ETS1: variants seen among roughly 807,000 people sequenced by gnomAD.
ETS1 encodes the protein protein C-ets-1.
A neutral mutation model predicts 58.6 loss-of-function variants in ETS1; 15 were observed. The ratio of observed to expected loss-of-function variants is 0.26; its 90% confidence interval spans 0.17 to 0.39. The LOEUF (loss-of-function observed/expected upper bound fraction) is 0.39, where lower values mean the gene tolerates loss of function less well. ETS1 is among the 10% of genes least tolerant of loss of function. The probability of loss-of-function intolerance (pLI) is 1.00; values close to 1 mark genes in which losing one functional copy is unlikely to be tolerated. For missense variants in ETS1, 417 were observed against 610.5 expected (o/e 0.68, Z 3.34); for synonymous variants, 214 against 218.2 (o/e 0.98, Z 0.17).
chr11:128,544,340 A>AATATATATAT lies in ETS1; in HGVS notation c.214+11941_214+11950dup, dbSNP rs10542616. 6.8e-3 allele frequency among the ~76,000 whole-genome samples: 791 copies of AATATATATAT among 117,004 alleles called. 19 individuals are homozygous for AATATATATAT. The highest frequency in any genetic ancestry group is 0.014 in the East Asian group (60 of 4,348). The allele number at this position is 117,004 out of a possible 152,430, so 76.8% of individuals were successfully genotyped here. A position where few individuals can be genotyped will look rare whatever the true frequency, so the allele number is the denominator to read the frequency against. On this transcript the variant is annotated intron_variant, in intron 3 of 9. Transcript: ENST00000392668. ...ATGAAAAAGTGATTAATTGTTTACT[A>AATATATATAT]ATATATATATATATATATATATATA...
intron 8 of ETS1, among the ~76,000 whole-genome samples, chr11:128,479,013 C>T (rs79585975): frequency 0.019 from 2,903 of 152,292 alleles, 99 homozygotes; most frequent in African/African-American, 0.066. Context: ...CTGAGCACTA[C>T]TCATGCAATG....
At chr11:128,531,928 CTCACT>C (rs767109733) in intron 3 of ETS1, among the ~76,000 whole-genome samples, 2 of 152,180 alleles carry the variant, frequency 1.3e-5, no homozygotes, top group Admixed American at 6.5e-5. Flanking sequence ...CCTTACTGCA[CTCACT>C]TCACAGAAGT....
chr11:128,465,439 G>A (rs918068484), intron 8 of ETS1, among the ~76,000 whole-genome samples: 3 of 152,178 alleles, frequency 2.0e-5, no homozygotes, highest in Non-Finnish European at 2.9e-5. Flanking sequence ...CTTGGGAGTT[G>A]CCTAAAGTCA....
At chr11:128,505,159 G>A (rs888899218) in intron 3 of ETS1, 1 of 152,242 alleles carries the variant, frequency 6.6e-6, no homozygotes, top group Non-Finnish European at 1.5e-5. Flanking sequence ...AAGGCAGAGT[G>A]CCTCATATCA....
In ETS1 at chr11:128,459,572, A is replaced by AC. The variant is rs1861851963; in HGVS notation, c.*2788dup. ...GCATCTCTGGGAAAATAAGGGTTTCACCCAGCTAGACCAGATTTGCCCATC... is the reference window on the plus strand; with the variant it reads ...GCATCTCTGGGAAAATAAGGGTTTCACCCCAGCTAGACCAGATTTGCCCATC... On this transcript the variant is annotated 3_prime_UTR_variant, in exon 10 of 10. Transcript: ENST00000392668. The AC allele has an allele frequency of 6.5e-6, 1 of 152,804 alleles. No homozygotes were observed. The highest frequency in any genetic ancestry group is 2.4e-5 in the African/African-American group (1 of 41,470). The allele number at this position is 152,804 out of a possible 1,614,324, so 9.5% of individuals were successfully genotyped here.
intron 1 of ETS1, among the ~76,000 whole-genome samples, chr11:128,578,414 A>G (rs541459043): frequency 3.4e-4 from 52 of 152,300 alleles, no homozygotes; most frequent in Admixed American, 1.2e-3. Flanking sequence ...ATTTGGGGTT[A>G]TGTATTCCTA....
intron 3 of ETS1, among the ~76,000 whole-genome samples, chr11:128,541,044 C>G (rs1195010897): frequency 6.6e-6 from 1 of 152,190 alleles, no homozygotes; most frequent in African/African-American, 2.4e-5. Context: ...CTCCTCAAGG[C>G]AAACCCCCTC....
At chr11:128,516,887 T>G (rs1863540001) in intron 3 of ETS1, among the ~76,000 whole-genome samples, 1 of 152,050 alleles carries the variant, frequency 6.6e-6, no homozygotes, top group African/African-American at 2.4e-5. Flanking sequence ...TTATGAGAGA[T>G]TCAATGCACA....
chr11:128,517,189 C>T (rs1437601490), intron 3 of ETS1, among the ~76,000 whole-genome samples: 1 of 152,206 alleles, frequency 6.6e-6, no homozygotes, highest in Non-Finnish European at 1.5e-5. Context: ...ATGAGGCCAC[C>T]TGATTCAGCT....
chr11:128,499,043 G>A (rs528017779), intron 3 of ETS1, among the ~76,000 whole-genome samples: 2 of 152,286 alleles, frequency 1.3e-5, no homozygotes, highest in African/African-American at 4.8e-5. Flanking sequence ...GAACCACATT[G>A]CATCCTATTG....
At chr11:128,503,208 C>A (rs1034726341) in intron 3 of ETS1, among the ~76,000 whole-genome samples, 2 of 152,070 alleles carry the variant, frequency 1.3e-5, no homozygotes, top group Non-Finnish European at 2.9e-5. Context: ...AAATATTTTA[C>A]AGACAACATC....
Position 128,556,351 on chromosome 11 carries a change from G to GGTA in ETS1, c.151_153dup (p.Tyr51dup). On this transcript the variant is annotated inframe_insertion, in exon 3 of 10. Coordinates refer to ENST00000392668, the MANE Select transcript of ETS1 (RefSeq NM_001143820.2). Reference sequence around the variant, plus strand: ...TGAGTTGCCATCTCATCCCAAAAGGGGTAGCAAGGTCTTTGCTGGTGATAA... The same window carrying GGTA: ...TGAGTTGCCATCTCATCCCAAAAGGGGTAGTAGCAAGGTCTTTGCTGGTGATAA... The GGTA allele has an allele frequency of 6.2e-7, 1 of 1,613,334 alleles. No individual in the cohort carries two copies. The highest frequency in any genetic ancestry group is 8.5e-7 in the Non-Finnish European group (1 of 1,179,352).
At chr11:128,565,378 C>T (rs972337910) in intron 2 of ETS1, among the ~76,000 whole-genome samples, 12 of 152,206 alleles carry the variant, frequency 7.9e-5, no homozygotes, top group Non-Finnish European at 1.6e-4. Flanking sequence ...TTGAACATTC[C>T]AGCATCCAGA....
chr11:128,483,809 C>T (rs1201173879), intron 7 of ETS1, among the ~76,000 whole-genome samples: 2 of 152,218 alleles, frequency 1.3e-5, no homozygotes, highest in Admixed American at 1.3e-4. Context: ...TATGGTCAGT[C>T]ATTGAGCAGA....
chr11:128,479,643 G>A (rs541429123), intron 8 of ETS1, among the ~76,000 whole-genome samples: 6 of 152,264 alleles, frequency 3.9e-5, no homozygotes, highest in South Asian at 2.1e-4. Context: ...TAATAAAGCC[G>A]AGTAAGAGAA....
intron 3 of ETS1, among the ~76,000 whole-genome samples, chr11:128,517,600 C>T (rs985897664): frequency 6.6e-6 from 1 of 152,166 alleles, no homozygotes; most frequent in Non-Finnish European, 1.5e-5. Flanking sequence ...CATGGAATTC[C>T]ACCACAGCCA....
chr11:128,523,991 C>G (rs1383128503), intron 3 of ETS1, among the ~76,000 whole-genome samples: 1 of 151,896 alleles, frequency 6.6e-6, no homozygotes, highest in East Asian at 1.9e-4. Flanking sequence ...GTGAACAAAT[C>G]TAGAGTTGCT....
At chr11:128,521,896 C>A in intron 3 of ETS1, 1 of 1,585,966 alleles carries the variant, frequency 6.3e-7, no homozygotes, top group Non-Finnish European at 8.6e-7. Context: ...GTGGGGGCCT[C>A]GGCCGTCGCC....
intron 2 of ETS1, among the ~76,000 whole-genome samples, chr11:128,562,461 G>A (rs1170248475): frequency 6.6e-6 from 1 of 152,064 alleles, no homozygotes; most frequent in Non-Finnish European, 1.5e-5. Context: ...ATGGAGGAAG[G>A]GATTCCCCTG....
Sources: allele counts gnomAD v4.1 joint callset (sites outside exome capture counted in the v4.1 genomes callset), GRCh38; gene constraint gnomAD v4.1.1; transcripts MANE v1.5; gene names NCBI Gene and HGNC (gene_info 2026-07-23, HGNC 2026-07-21).